Variants in TTC28 observed in about 807,000 individuals in gnomAD.
TTC28 encodes tetratricopeptide repeat protein 28.
A neutral mutation model predicts 198.0 loss-of-function variants in TTC28; 61 were observed. The observed-to-expected ratio is 0.31, with a 90% confidence interval of 0.25 to 0.38. The LOEUF is 0.38. TTC28 is among the 10% of genes least tolerant of loss of function. The pLI is 1.00. For missense variants in TTC28, 2,678 were observed against 3,164.0 expected, an observed-to-expected ratio of 0.85 and a Z score of 3.69; for synonymous variants, 1,171 against 1,297.8, an observed-to-expected ratio of 0.90 and a Z score of 2.10.
At chr22:28,648,266 G>C (rs116713850) in intron 1 of TTC28, among the ~76,000 whole-genome samples, 1,570 of 149,546 alleles carry the variant, frequency 0.01, 26 homozygotes, top group African/African-American at 0.037. Context: ...TAATCATCAG[G>C]GAAATGCACA....
intron 5 of TTC28, among the ~76,000 whole-genome samples, chr22:28,166,284 G>T (rs1026100334): frequency 6.6e-6 from 1 of 152,074 alleles, no homozygotes; most frequent in Non-Finnish European, 1.5e-5. Flanking sequence ...AAGTTAACAA[G>T]GATATCCAGG....
rs770815132 is a variant in TTC28 at position 28,101,244 on chromosome 22, T to A, written c.3344A>T (p.Asp1115Val). 1.1e-5 allele frequency: 17 copies of A among 1,551,746 alleles called. No homozygotes were observed. The South Asian group carries it at 2.0e-4, about 18-fold the overall frequency. Residue 1115 changes from aspartate to valine, a missense_variant, in exon 9 of 23, where the codon GAT (aspartate) becomes GTT (valine). By Grantham distance (152) the Asp-to-Val change is radical (BLOSUM62 -3). This residue lies in a region of TTC28 where 727 missense variants were observed against 861.9 expected (regional missense o/e 0.84). Transcript: ENST00000397906. ...RLAEQLGRRE[D>V]EAKIRHGLGL... is the part of the protein sequence containing the mutation. ...AAGGCCATGGCGAATTTTTGCCTCA[T>A]CTTCTCTTCGGCCCAGTTGCTCAGC...
intron 14 of TTC28, among the ~76,000 whole-genome samples, chr22:28,012,197 C>A (rs1938190364): frequency 2.0e-5 from 3 of 152,170 alleles, no homozygotes; most frequent in Non-Finnish European, 4.4e-5. Flanking sequence ...CAAGGTATGG[C>A]ACATAAATCA....
At chr22:28,655,703 T>G (rs1291489979) in intron 1 of TTC28, among the ~76,000 whole-genome samples, 1 of 151,864 alleles carries the variant, frequency 6.6e-6, no homozygotes, top group Non-Finnish European at 1.5e-5. Flanking sequence ...TACAAAAACT[T>G]AGCCAGGCGC....
chr22:28,520,422 T>C (rs562886873), intron 2 of TTC28, among the ~76,000 whole-genome samples: 1 of 152,332 alleles, frequency 6.6e-6, no homozygotes, highest in Non-Finnish European at 1.5e-5. Context: ...TGAGTTCCTC[T>C]GACCAACACT....
At chr22:28,038,760 A>C (rs912119741) in intron 12 of TTC28, among the ~76,000 whole-genome samples, 1 of 152,244 alleles carries the variant, frequency 6.6e-6, no homozygotes, top group African/African-American at 2.4e-5. Context: ...AAATTTTTGC[A>C]ATCTACTCAT....
chr22:28,238,281 T>C (rs1443058941), intron 5 of TTC28, among the ~76,000 whole-genome samples: 1 of 152,170 alleles, frequency 6.6e-6, no homozygotes, highest in Non-Finnish European at 1.5e-5. Flanking sequence ...TCTTTTTTCC[T>C]TTGCTTCAGT....
intron 2 of TTC28, among the ~76,000 whole-genome samples, chr22:28,349,851 G>C (rs912892586): frequency 6.6e-6 from 1 of 152,150 alleles, no homozygotes; most frequent in Admixed American, 6.5e-5. Context: ...ATACTAACAA[G>C]TTGGCAAAAA....
At chr22:28,081,525 C>A (rs111581289) in intron 12 of TTC28, among the ~76,000 whole-genome samples, 2,986 of 146,796 alleles carry the variant, frequency 0.02, 37 homozygotes, top group Non-Finnish European at 0.028. Flanking sequence ...TGGAGTCTCA[C>A]TGCATTGCCT....
chr22:28,674,649 G>A (rs941173878), intron 1 of TTC28, among the ~76,000 whole-genome samples: 1 of 151,670 alleles, frequency 6.6e-6, no homozygotes, highest in African/African-American at 2.4e-5. Context: ...GTGAAACCAT[G>A]TCTCTACTAA....
rs1488793265 is a variant in TTC28 at position 27,996,236 on chromosome 22, C to T, written c.5143G>A (p.Val1715Ile). ...AGTGATGAGGGGCTGTTCAGCTTAA[C>T]GTCACTCCCGATGAGCATGAACCCT... ...WAGFMLIGSD[V>I]KLNSPSSLIG... The change falls in exon 17 of 23, where the codon GTT becomes ATT. Residue 1715 changes from valine to isoleucine, a missense_variant. Val to Ile is a conservative substitution (Grantham distance 29). Coordinates refer to ENST00000397906, the MANE Select transcript of TTC28 (RefSeq NM_001145418.2). 6.4e-6 allele frequency: 10 copies of T among 1,551,036 alleles called. No homozygotes were observed. The highest frequency in any genetic ancestry group is 4.9e-5 in the East Asian group (2 of 40,912).
At chr22:28,104,967 T>C (rs1249486458) in intron 8 of TTC28, among the ~76,000 whole-genome samples, 2 of 152,148 alleles carry the variant, frequency 1.3e-5, no homozygotes, top group Non-Finnish European at 2.9e-5. Context: ...CAGAGGGTTC[T>C]GAAAAGCAAG....
Position 28,574,602 on chromosome 22 carries a change from C to T in TTC28, c.381+54950G>A, listed in dbSNP as rs150391294. ...TTTAGCTTTTTGAGGAAGTTCCAAA[C>T]TGTTGTCCAAAGCAGTTTTACTAAT... On this transcript the variant is annotated intron_variant, in intron 2 of 22. Transcript: ENST00000397906. 5.0e-3 allele frequency among the ~76,000 whole-genome samples: 760 copies of T among 152,298 alleles called. 11 individuals are homozygous for T. Among genetic ancestry groups the T allele is most frequent in the African/African-American group, 0.017 (716 of 41,568 alleles).
intron 6 of TTC28, among the ~76,000 whole-genome samples, chr22:28,133,178 G>T (rs185401321): frequency 6.6e-6 from 1 of 152,176 alleles, no homozygotes; most frequent in African/African-American, 2.4e-5. Flanking sequence ...AGGTGAGATC[G>T]TGCCATTGCA....
At chr22:28,228,628 GGGCAGAGGTTGCAGTGA>G (rs1928541412) in intron 5 of TTC28, among the ~76,000 whole-genome samples, 1 of 151,028 alleles carries the variant, frequency 6.6e-6, no homozygotes, top group Non-Finnish European at 1.5e-5. Context: ...AGAACCCGGG[GGGCAGAGGTTGCAGTGA>G]GCCGAGATTG....
At chr22:28,298,386 A>G (rs2044944573) in intron 3 of TTC28, among the ~76,000 whole-genome samples, 1 of 152,226 alleles carries the variant, frequency 6.6e-6, no homozygotes. Flanking sequence ...AGCAAGTGGC[A>G]CAATGTGGGT....
At chr22:28,674,800 T>C (rs998533094) in intron 1 of TTC28, among the ~76,000 whole-genome samples, 3 of 131,326 alleles carry the variant, frequency 2.3e-5, no homozygotes, top group Admixed American at 9.0e-5. Flanking sequence ...GCCTGGGCGA[T>C]GGCGAGACTC....
At chr22:28,556,178 G>A (rs2049783114) in intron 2 of TTC28, among the ~76,000 whole-genome samples, 2 of 152,092 alleles carry the variant, frequency 1.3e-5, no homozygotes, top group Non-Finnish European at 2.9e-5. Flanking sequence ...GGCCAACATA[G>A]TAAAACCCCG....
chr22:28,625,219 G>GAAGAAA (rs943739518), intron 2 of TTC28, among the ~76,000 whole-genome samples: 2 of 151,862 alleles, frequency 1.3e-5, no homozygotes, highest in Non-Finnish European at 2.9e-5. Context: ...AGCAAAAAGT[G>GAAGAAA]AAGAAAAAGA....
Sources: gnomAD v4.1 joint callset for allele counts (sites outside exome capture counted in the v4.1 genomes callset) on GRCh38, gnomAD v4.1.1 for gene constraint, gnomAD v4.1.1 regional missense constraint, MANE v1.5 for transcripts, NCBI Gene and HGNC (gene_info 2026-07-23, HGNC 2026-07-21) for gene names.